Variants in GASK1A observed in about 807,000 individuals in gnomAD.
GASK1A encodes Golgi-associated kinase 1A.
In GASK1A, 40 loss-of-function variants were observed where a neutral mutation model predicts 41.2. That is an observed-to-expected ratio of 0.97 (90% confidence interval 0.75 to 1.27). The LOEUF is 1.27. Among genes scored for constraint, GASK1A ranks in the 50% most tolerant of loss-of-function variants. GASK1A has a pLI of 0.00. For synonymous variants in GASK1A, 316 were observed against 307.1 expected, an observed-to-expected ratio of 1.03 and a Z score of -0.30; for missense variants, 678 against 745.1, an observed-to-expected ratio of 0.91 and a Z score of 1.05.
intron 1 of GASK1A, among the ~76,000 whole-genome samples, chr3:42,999,730 A>G (rs1279348508): frequency 6.6e-6 from 1 of 152,222 alleles, no homozygotes; most frequent in Non-Finnish European, 1.5e-5. Context: ...TTTGTTCTCT[A>G]TAGCTCTGGT....
chr3:43,047,304 G>A (rs2125691205), intron 2 of GASK1A, among the ~76,000 whole-genome samples: 1 of 152,366 alleles, frequency 6.6e-6, no homozygotes, highest in East Asian at 1.9e-4. Context: ...TCTTGCATCA[G>A]CATGAGAATG....
chr3:43,011,380 CA>C (rs55954875), intron 1 of GASK1A, among the ~76,000 whole-genome samples: 3,784 of 87,170 alleles, frequency 0.043, 84 homozygotes, highest in East Asian at 0.27. Flanking sequence ...GACTCCATCT[CA>C]AAAAAAAAAA....
Position 43,057,056 on chromosome 3 carries a change from A to G in GASK1A, c.*670A>G, listed in dbSNP as rs1031041813. 3.0e-4 allele frequency: 45 copies of G among 152,204 alleles called. No homozygotes were observed. Among genetic ancestry groups the G allele is most frequent in the African/African-American group, 1.1e-3 (45 of 41,450 alleles). The allele number at this position is 152,204 out of a possible 1,614,324, so 9.4% of individuals were successfully genotyped here. On this transcript the variant is annotated 3_prime_UTR_variant, in exon 5 of 5. Transcript: ENST00000430121. ...GTTATTCATGGTCACACTACATGCA[A>G]ATTAAAAAATGAAAGTGTGGTCATG...
intron 1 of GASK1A, among the ~76,000 whole-genome samples, chr3:42,993,741 T>C (rs933083617): frequency 6.6e-6 from 1 of 152,184 alleles, no homozygotes; most frequent in Non-Finnish European, 1.5e-5. Context: ...AAAAATAATC[T>C]TTTAAAAAAT....
intron 1 of GASK1A, among the ~76,000 whole-genome samples, chr3:42,987,375 A>G (rs1185403318): frequency 1.3e-5 from 2 of 152,226 alleles, no homozygotes; most frequent in Non-Finnish European, 2.9e-5. Flanking sequence ...AAGGAAAGGA[A>G]CGTGAGCTGG....
Position 43,032,676 on chromosome 3 carries a change from T to A in GASK1A, c.413T>A (p.Leu138Gln). 1 of 1,551,666 alleles carries A rather than the reference T, an allele frequency of 6.4e-7. No homozygotes were observed. Among genetic ancestry groups the A allele is most frequent in the Non-Finnish European group, 8.7e-7 (1 of 1,146,986 alleles). ...CTCAGTACTCAGCATGTTGTGCTCC[T>A]GAGGGAGGATGAGGTTGGAGATCCA... is the stretch of plus-strand genomic sequence containing the variant. Reference protein sequence around the residue: ...PRLSTQHVVLLREDEVGDPGT... With the variant: ...PRLSTQHVVLQREDEVGDPGT... Residue 138 changes from leucine (L) to glutamine (Q), a missense_variant, in exon 2 of 5, where the codon CTG becomes CAG. Physicochemically the swap from Leu to Gln is moderately radical, Grantham distance 113. Transcript: ENST00000430121.
chr3:43,040,968 T>C (rs1342372432), intron 2 of GASK1A, among the ~76,000 whole-genome samples: 17 of 151,038 alleles, frequency 1.1e-4, no homozygotes, highest in Middle Eastern at 3.4e-3. Context: ...AGTGAGAATA[T>C]GCGGTGTTTG....
intron 1 of GASK1A, among the ~76,000 whole-genome samples, chr3:43,006,321 T>C (rs2089435935): frequency 6.6e-6 from 1 of 152,226 alleles, no homozygotes; most frequent in South Asian, 2.1e-4. Context: ...TCTTCCTCTT[T>C]CTTGGCTTAC....
chr3:43,012,363 G>A (rs550324399), intron 1 of GASK1A, among the ~76,000 whole-genome samples: 6 of 151,922 alleles, frequency 3.9e-5, no homozygotes, highest in Non-Finnish European at 5.9e-5. Flanking sequence ...ACAGTGTGAA[G>A]CCACAGGAAG....
At chr3:43,010,587 A>G (rs2089458479) in intron 1 of GASK1A, among the ~76,000 whole-genome samples, 1 of 152,220 alleles carries the variant, frequency 6.6e-6, no homozygotes, top group East Asian at 1.9e-4. Context: ...CATTTGGATT[A>G]TAGATTTCTG....
intron 2 of GASK1A, among the ~76,000 whole-genome samples, chr3:43,044,158 C>T (rs550223563): frequency 6.6e-6 from 1 of 152,286 alleles, no homozygotes; most frequent in African/African-American, 2.4e-5. Flanking sequence ...GTTTGGCTGA[C>T]CATGCAGCAG....
chr3:43,036,153 T>TG (rs2089603065), intron 2 of GASK1A, among the ~76,000 whole-genome samples: 1 of 152,208 alleles, frequency 6.6e-6, no homozygotes, highest in South Asian at 2.1e-4. Flanking sequence ...ACCCCTGCTG[T>TG]GGGGACAAGT....
chr3:43,037,192 C>A, intron 2 of GASK1A: 1 of 1,146,712 alleles, frequency 8.7e-7, no homozygotes, highest in South Asian at 1.3e-5. Flanking sequence ...GAACCTAAGT[C>A]AAAATCTGGG....
intron 2 of GASK1A, among the ~76,000 whole-genome samples, chr3:43,035,709 G>A (rs1400532094): frequency 6.6e-6 from 1 of 152,204 alleles, no homozygotes; most frequent in African/African-American, 2.4e-5. Context: ...TTCATGTAAT[G>A]TACTTAGTAC....
chr3:43,047,180 G>A (rs1197202917), intron 2 of GASK1A, among the ~76,000 whole-genome samples: 1 of 152,234 alleles, frequency 6.6e-6, no homozygotes, highest in African/African-American at 2.4e-5. Context: ...AGCTTGCACT[G>A]TGCACCTGGA....
intron 1 of GASK1A, among the ~76,000 whole-genome samples, chr3:43,002,808 A>G (rs1401631514): frequency 2.0e-5 from 3 of 152,150 alleles, no homozygotes; most frequent in Admixed American, 1.3e-4. Context: ...GAAATTTCCT[A>G]TGTGGTTCAC....
At chr3:43,041,925 G>T (rs2089640119) in intron 2 of GASK1A, among the ~76,000 whole-genome samples, 1 of 152,164 alleles carries the variant, frequency 6.6e-6, no homozygotes, top group Admixed American at 6.5e-5. Flanking sequence ...CCATCCTGAA[G>T]GCCCCAGGCC....
intron 1 of GASK1A, among the ~76,000 whole-genome samples, chr3:42,995,665 C>T (rs977897381): frequency 1.3e-5 from 2 of 152,046 alleles, no homozygotes; most frequent in African/African-American, 4.8e-5. Flanking sequence ...CTAATTGGCT[C>T]GGCCTCCCCT....
chr3:43,022,583 G>A (rs79496556), intron 1 of GASK1A, among the ~76,000 whole-genome samples: 2,397 of 152,012 alleles, frequency 0.016, 30 homozygotes, highest in East Asian at 0.059. Flanking sequence ...CTATATGGCC[G>A]TGGGCAAACA....
Sources: gnomAD v4.1 joint callset for allele counts (sites outside exome capture counted in the v4.1 genomes callset) on GRCh38, gnomAD v4.1.1 for gene constraint, MANE v1.5 for transcripts, NCBI Gene and HGNC (gene_info 2026-07-23, HGNC 2026-07-21) for gene names.